Variants in EXOC4 observed in about 807,000 individuals in gnomAD.
The protein encoded by EXOC4 is exocyst complex component 4, also known as SEC8-like 1.
In EXOC4, 71 loss-of-function variants were observed where a neutral mutation model predicts 107.2. The ratio of observed to expected loss-of-function variants is 0.66; its 90% CI spans 0.55 to 0.81. EXOC4 has a LOEUF of 0.81. Ranked by LOEUF, EXOC4 falls within the 30% of genes least tolerant of loss-of-function variation. The pLI is 0.00. For synonymous variants in EXOC4, 456 were observed against 441.2 expected (o/e 1.03, Z -0.42); for missense variants, 1,108 against 1,189.6 (o/e 0.93, Z 1.01).
chr7:133,283,750 C>T (rs536383714), intron 2 of EXOC4, among the ~76,000 whole-genome samples: 9 of 152,302 alleles, frequency 5.9e-5, no homozygotes, highest in African/African-American at 2.2e-4. Context: ...TGCCTTTTTG[C>T]GGTCAGTTCT....
chr7:133,700,573 C>A (rs1425750260), intron 10 of EXOC4, among the ~76,000 whole-genome samples: 1 of 152,068 alleles, frequency 6.6e-6, no homozygotes, highest in Non-Finnish European at 1.5e-5. Context: ...AAATACTCAG[C>A]TTTTGGATTT....
intron 10 of EXOC4, among the ~76,000 whole-genome samples, chr7:133,630,793 TA>T (rs1237899733): frequency 6.6e-6 from 1 of 152,212 alleles, no homozygotes. Context: ...ATGATATGAC[TA>T]GAGTGAAATC....
intron 9 of EXOC4, among the ~76,000 whole-genome samples, chr7:133,597,716 T>C (rs1801714009): frequency 6.6e-6 from 1 of 151,932 alleles, no homozygotes; most frequent in Admixed American, 6.6e-5. Flanking sequence ...CAAAACTAAT[T>C]GCGGTTCTTG....
intron 14 of EXOC4, among the ~76,000 whole-genome samples, chr7:133,994,253 T>C (rs1486693528): frequency 1.3e-5 from 2 of 152,200 alleles, no homozygotes; most frequent in Non-Finnish European, 2.9e-5. Flanking sequence ...CTGAGGATGA[T>C]GGTTTCCAGC....
chr7:133,610,814 CTT>C (rs67695705), intron 9 of EXOC4, among the ~76,000 whole-genome samples: 33 of 139,694 alleles, frequency 2.4e-4, no homozygotes, highest in Admixed American at 3.6e-4. Flanking sequence ...TTCTTTTTTA[CTT>C]TTTTTTTTTT....
intron 10 of EXOC4, among the ~76,000 whole-genome samples, chr7:133,731,991 C>T (rs529890104): frequency 6.6e-6 from 1 of 152,202 alleles, no homozygotes; most frequent in African/African-American, 2.4e-5. Context: ...TGCATGCATA[C>T]GTATGTTCAC....
intron 9 of EXOC4, among the ~76,000 whole-genome samples, chr7:133,528,483 G>A (rs904942575): frequency 6.6e-6 from 1 of 152,062 alleles, no homozygotes; most frequent in East Asian, 1.9e-4. Context: ...ATTTTTTCTG[G>A]TGGCTGATCA....
At chr7:133,620,302 C>G (rs2151005243) in intron 9 of EXOC4, among the ~76,000 whole-genome samples, 1 of 152,260 alleles carries the variant, frequency 6.6e-6, no homozygotes, top group South Asian at 2.1e-4. Context: ...GCTGGAATTA[C>G]AGGTGTGAGC....
intron 13 of EXOC4, among the ~76,000 whole-genome samples, chr7:133,920,759 C>G (rs529856664): frequency 1.6e-4 from 24 of 152,342 alleles, no homozygotes; most frequent in Non-Finnish European, 2.6e-4. Context: ...CTCTTCCTTT[C>G]TCAATGTAGA....
intron 17 of EXOC4, among the ~76,000 whole-genome samples, chr7:134,012,582 G>A (rs1794797219): frequency 6.6e-6 from 1 of 152,190 alleles, no homozygotes; most frequent in East Asian, 1.9e-4. Flanking sequence ...AACAAGAAAT[G>A]TTTGAGATGC....
chr7:133,402,306 C>G (rs1797108309), intron 7 of EXOC4, among the ~76,000 whole-genome samples: 2 of 152,180 alleles, frequency 1.3e-5, no homozygotes, highest in Admixed American at 1.3e-4. Flanking sequence ...GTAACTGTTT[C>G]AAACAGGTAT....
At chr7:133,759,144 A>ATTTTTTTTTTTTTTT (rs34768347) in intron 10 of EXOC4, among the ~76,000 whole-genome samples, 11 of 140,632 alleles carry the variant, frequency 7.8e-5, no homozygotes, top group Non-Finnish European at 1.1e-4. Flanking sequence ...CAACAAAAGA[A>ATTTTTTTTTTTTTTT]TTTTTTTTTT....
intron 9 of EXOC4, among the ~76,000 whole-genome samples, chr7:133,521,616 G>C (rs1055226191): frequency 6.8e-6 from 1 of 146,998 alleles, no homozygotes; most frequent in African/African-American, 2.5e-5. Context: ...TTTTTTTTTT[G>C]TTCGTTTGTT....
At chr7:133,300,813 C>T (rs1794624952) in intron 3 of EXOC4, among the ~76,000 whole-genome samples, 1 of 152,064 alleles carries the variant, frequency 6.6e-6, no homozygotes, top group African/African-American at 2.4e-5. Flanking sequence ...AGGAAATAAC[C>T]AATATTTGAT....
In EXOC4 at chr7:133,646,382, A is replaced by G. The variant is rs138013778; in HGVS notation, c.1514+16241A>G. ...GTAGTTTGTGTGAACTTTATAGTTT[A>G]CTACCCTACAAGAGGCTAGATATTT... On this transcript the variant is annotated intron_variant, in intron 10 of 17. Coordinates refer to ENST00000253861, the MANE Select transcript of EXOC4 (RefSeq NM_021807.4). 4.6e-5 allele frequency among the ~76,000 whole-genome samples: 7 copies of G among 152,316 alleles called. No homozygotes were observed. In the East Asian group the frequency reaches 1.2e-3, roughly 25 times the overall value.
intron 17 of EXOC4, among the ~76,000 whole-genome samples, chr7:134,051,682 A>C (rs1357338299): frequency 2.7e-5 from 4 of 149,178 alleles, no homozygotes; most frequent in African/African-American, 9.9e-5. Context: ...AAAAAAAAAA[A>C]AAAAAAAAAA....
intron 10 of EXOC4, among the ~76,000 whole-genome samples, chr7:133,679,534 G>GTCCATCCATCCA (rs1384204420): frequency 4.9e-5 from 7 of 143,764 alleles, no homozygotes; most frequent in African/African-American, 1.9e-4. Flanking sequence ...CCATCCATCC[G>GTCCATCCATCCA]TCCGTCCGTC....
At chr7:133,843,158 TG>T (rs1249200345) in intron 11 of EXOC4, among the ~76,000 whole-genome samples, 2 of 152,214 alleles carry the variant, frequency 1.3e-5, no homozygotes, top group Non-Finnish European at 2.9e-5. Context: ...GGCTCTTTTT[TG>T]GTTTCATATG....
intron 17 of EXOC4, among the ~76,000 whole-genome samples, chr7:134,009,481 C>G (rs577412765): frequency 2.0e-5 from 3 of 152,096 alleles, no homozygotes; most frequent in Admixed American, 1.3e-4. Context: ...CTCTTTCTTT[C>G]TATTTGTGGG....
Sources: allele counts gnomAD v4.1 joint callset (sites outside exome capture counted in the v4.1 genomes callset), GRCh38; gene constraint gnomAD v4.1.1; transcripts MANE v1.5; gene names NCBI Gene and HGNC (gene_info 2026-07-23, HGNC 2026-07-21).